Variants in PKP4 observed in about 807,000 individuals in gnomAD.
The protein encoded by PKP4 is plakophilin 4, also known as plakophilin-4.
Under a neutral mutation model 145.1 loss-of-function variants are expected in PKP4, and 90 were observed. That is an observed-to-expected ratio of 0.62 (90% CI 0.52 to 0.74). The LOEUF is 0.74. PKP4 is among the 30% of genes least tolerant of loss of function. The pLI is 0.00. For synonymous variants in PKP4, 563 were observed against 577.2 expected (o/e 0.98, Z 0.35); for missense variants, 1,340 against 1,482.7 (o/e 0.90, Z 1.58).
At chr2:158,469,663 A>G (rs145968914) in intron 1 of PKP4, among the ~76,000 whole-genome samples, 1 of 152,334 alleles carries the variant, frequency 6.6e-6, no homozygotes, top group African/African-American at 2.4e-5. Context: ...TATTTTTATT[A>G]TCAATACTTC....
chr2:158,556,794 C>T (rs1214432187), intron 2 of PKP4, among the ~76,000 whole-genome samples: 2 of 152,062 alleles, frequency 1.3e-5, no homozygotes, highest in Non-Finnish European at 2.9e-5. Context: ...TAGATAATGT[C>T]AAAGAAAGGC....
chr2:158,616,499 G>C (rs935687092), intron 4 of PKP4, among the ~76,000 whole-genome samples: 3 of 152,154 alleles, frequency 2.0e-5, no homozygotes, highest in Non-Finnish European at 4.4e-5. Context: ...ACAAAATGTT[G>C]CCCTCTGGGT....
At chr2:158,591,240 T>C (rs766693122) in intron 3 of PKP4, among the ~76,000 whole-genome samples, 19 of 152,114 alleles carry the variant, frequency 1.2e-4, no homozygotes, top group Non-Finnish European at 2.1e-4. Context: ...ACCACCCAAC[T>C]GTTTTTAAAT....
chr2:158,460,828 T>C (rs1689652260), intron 1 of PKP4, among the ~76,000 whole-genome samples: 1 of 152,228 alleles, frequency 6.6e-6, no homozygotes, highest in African/African-American at 2.4e-5. Context: ...ATGTGTGAAA[T>C]GATTCTGTAG....
intron 11 of PKP4, among the ~76,000 whole-genome samples, chr2:158,657,595 CAAGTGCTTTATTG>C (rs1164301231): frequency 6.6e-6 from 1 of 152,140 alleles, no homozygotes; most frequent in Non-Finnish European, 1.5e-5. Flanking sequence ...AAAGTTACGG[CAAGTGCTTTATTG>C]AAGCTTGAGC....
At chr2:158,570,048 C>T (rs774629727) in intron 2 of PKP4, among the ~76,000 whole-genome samples, 1 of 152,128 alleles carries the variant, frequency 6.6e-6, no homozygotes, top group Non-Finnish European at 1.5e-5. Flanking sequence ...CCCAGCATTT[C>T]TATAATTAAT....
chr2:158,580,883 A>G (rs1244572356), intron 3 of PKP4, among the ~76,000 whole-genome samples: 2 of 152,124 alleles, frequency 1.3e-5, no homozygotes, highest in East Asian at 1.9e-4. Flanking sequence ...CCTCATCTGA[A>G]TTCCCATCAC....
At chr2:158,564,749 A>G (rs1559331219) in intron 2 of PKP4, among the ~76,000 whole-genome samples, 1 of 152,130 alleles carries the variant, frequency 6.6e-6, no homozygotes, top group Non-Finnish European at 1.5e-5. Flanking sequence ...AAAGTGAGCA[A>G]TGTGTGCATG....
At chr2:158,498,335 G>A (rs902869129) in intron 1 of PKP4, among the ~76,000 whole-genome samples, 10 of 152,038 alleles carry the variant, frequency 6.6e-5, no homozygotes, top group South Asian at 2.1e-4. Context: ...ACAATTGTTA[G>A]GTGACTGAGA....
chr2:158,611,778 C>CA (rs1319680220), intron 4 of PKP4, among the ~76,000 whole-genome samples: 1 of 152,068 alleles, frequency 6.6e-6, no homozygotes, highest in Non-Finnish European at 1.5e-5. Flanking sequence ...ATAAACTTTA[C>CA]AAATGACAAA....
chr2:158,602,141 T>C (rs992894830), intron 3 of PKP4, among the ~76,000 whole-genome samples: 3 of 152,226 alleles, frequency 2.0e-5, no homozygotes, highest in Non-Finnish European at 4.4e-5. Context: ...CTAGTCATAT[T>C]GTCTATGTGT....
chr2:158,644,178 G>C (rs987463433), intron 11 of PKP4, among the ~76,000 whole-genome samples: 8 of 152,204 alleles, frequency 5.3e-5, no homozygotes, highest in African/African-American at 1.9e-4. Context: ...AGGCAGCAGG[G>C]TAGAGGATTG....
chr2:158,640,249 C>T (rs1192010249), intron 9 of PKP4, among the ~76,000 whole-genome samples: 1 of 152,236 alleles, frequency 6.6e-6, no homozygotes, highest in Non-Finnish European at 1.5e-5. Flanking sequence ...TCCCTTCAGG[C>T]ATGACATCTC....
intron 4 of PKP4, among the ~76,000 whole-genome samples, chr2:158,618,331 C>T (rs1230564548): frequency 6.6e-6 from 1 of 152,142 alleles, no homozygotes; most frequent in Non-Finnish European, 1.5e-5. Context: ...AACCCAGTTA[C>T]TTAGATTTTC....
At chr2:158,539,089 C>T (rs2044306638) in intron 2 of PKP4, among the ~76,000 whole-genome samples, 2 of 152,128 alleles carry the variant, frequency 1.3e-5, no homozygotes, top group South Asian at 4.1e-4. Context: ...GAGAATACCA[C>T]TTTCAATATA....
At chr2:158,628,851 T>C (rs753033940) in intron 7 of PKP4, among the ~76,000 whole-genome samples, 10 of 152,316 alleles carry the variant, frequency 6.6e-5, no homozygotes, top group Non-Finnish European at 1.3e-4. Context: ...ACTCAACCGA[T>C]GTCAGAAGCA....
rs377695147 is a variant in PKP4, at chr2:158,624,864, C to T, written c.604-14C>T. The T allele has an allele frequency of 6.5e-7, 1 of 1,546,782 alleles. No homozygotes were observed. The highest frequency in any genetic ancestry group is 8.7e-7 in the Non-Finnish European group (1 of 1,146,078). On this transcript the variant is annotated splice_polypyrimidine_tract_variant and intron_variant, in intron 6 of 21. Coordinates refer to ENST00000389759, the MANE Select transcript of PKP4 (RefSeq NM_003628.6). The stretch of plus-strand genomic sequence containing the variant: ...TGGATAAACCCATTCTCTTTTTTCC[C>T]CCCCTTTCATCAGCCATCAGTAGCC...
At chr2:158,680,341 A>C in intron 21 of PKP4, 88 bp from the exon 22 acceptor site, 1 of 965,832 alleles carries the variant, frequency 1.0e-6, no homozygotes, top group Admixed American at 2.6e-5. Context: ...CTTTAAAAAT[A>C]TGAAGCAGGA....
At chr2:158,561,755 C>A (rs932859113) in intron 2 of PKP4, among the ~76,000 whole-genome samples, 1 of 151,434 alleles carries the variant, frequency 6.6e-6, no homozygotes, top group Non-Finnish European at 1.5e-5. Flanking sequence ...CTCTACCCAT[C>A]GCAGTGTTTA....
Sources: gnomAD v4.1 joint callset for allele counts (sites outside exome capture counted in the v4.1 genomes callset) on GRCh38, gnomAD v4.1.1 for gene constraint, MANE v1.5 for transcripts, NCBI Gene and HGNC (gene_info 2026-07-23, HGNC 2026-07-21) for gene names.